Variants in NBAS observed in about 807,000 individuals in gnomAD.
NBAS encodes the protein NAG/BC035112 fusion.
NBAS carries 219 observed loss-of-function variants against 302.5 expected under a neutral mutation model. The observed-to-expected ratio is 0.72, with a 90% CI of 0.65 to 0.81. The LOEUF (loss-of-function observed/expected upper bound fraction) is 0.81, where lower values mean the gene tolerates loss of function less well. NBAS is among the 30% of genes least tolerant of loss of function. NBAS has a pLI of 0.00. For missense variants in NBAS, 2,932 were observed against 2,841.6 expected (o/e 1.03, Z -0.72); for synonymous variants, 1,118 against 1,021.6 (o/e 1.09, Z -1.80).
chr2:15,544,326 T>A (rs1572996576), intron 6 of NBAS, among the ~76,000 whole-genome samples: 1 of 150,656 alleles, frequency 6.6e-6, no homozygotes, highest in East Asian at 2.0e-4. Flanking sequence ...TAAGAAACTC[T>A]GACTTTATAA....
At chr2:14,801,281 C>T in the NBAS span, among the ~76,000 whole-genome samples, 3 of 152,018 alleles carry the variant, frequency 2.0e-5, 1 homozygote, top group Admixed American at 2.0e-4. Flanking sequence ...CACTCCCTTC[C>T]TGTTATTCCA....
the NBAS span, among the ~76,000 whole-genome samples, chr2:15,008,946 T>A: frequency 2.0e-5 from 3 of 152,114 alleles, no homozygotes; most frequent in African/African-American, 4.8e-5. Flanking sequence ...TTAAATTTAA[T>A]AAGTGAAAAA....
chr2:15,068,265 G>A, the NBAS span, among the ~76,000 whole-genome samples: 132 of 152,286 alleles, frequency 8.7e-4, 1 homozygote, highest in Non-Finnish European at 1.2e-3. Context: ...TGTTGTGAGC[G>A]TTAATGAGTT....
At chr2:14,820,006 G>A in the NBAS span, among the ~76,000 whole-genome samples, 1 of 152,044 alleles carries the variant, frequency 6.6e-6, no homozygotes, top group Admixed American at 6.5e-5. Context: ...CCAAAAGACA[G>A]GTAATACCAA....
intron 44 of NBAS, among the ~76,000 whole-genome samples, chr2:15,267,482 T>C (rs892119306): frequency 6.6e-6 from 1 of 152,206 alleles, no homozygotes; most frequent in African/African-American, 2.4e-5. Flanking sequence ...AGTATGATTA[T>C]AGATTAGCAA....
chr2:15,040,616 G>A, the NBAS span, among the ~76,000 whole-genome samples: 1 of 152,192 alleles, frequency 6.6e-6, no homozygotes, highest in Non-Finnish European at 1.5e-5. Context: ...CAGTTGGCCT[G>A]CACCAAGCTC....
At chr2:15,016,708 A>G in the NBAS span, among the ~76,000 whole-genome samples, 2 of 152,178 alleles carry the variant, frequency 1.3e-5, no homozygotes, top group South Asian at 4.1e-4. Context: ...GCATCATACT[A>G]CCAGACTTCA....
At chr2:15,022,497 T>C in the NBAS span, among the ~76,000 whole-genome samples, 2 of 152,202 alleles carry the variant, frequency 1.3e-5, no homozygotes, top group Non-Finnish European at 2.9e-5. Flanking sequence ...AGATTTACAA[T>C]AGGGATCTGA....
rs533112105 is a variant in NBAS, at chr2:15,445,162, C to A, written c.2339+16039G>T. On this transcript the variant is annotated intron_variant, in intron 21 of 51. Coordinates refer to ENST00000281513, the MANE Select transcript of NBAS (RefSeq NM_015909.4). ...CAGCCATCCCATTACTGGGTATATACCCAAAGGACTAGAAATCATGCTGCT... is the reference window on the plus strand; with the variant it reads ...CAGCCATCCCATTACTGGGTATATAACCAAAGGACTAGAAATCATGCTGCT... Among the ~76,000 whole-genome samples the A allele has an allele frequency of 3.9e-3, 598 of 151,518 alleles. 1 individual carries two copies. Among genetic ancestry groups the A allele is most frequent in the Non-Finnish European group, 6.9e-3 (466 of 67,982 alleles).
chr2:14,859,873 CA>C, the NBAS span, among the ~76,000 whole-genome samples: 1 of 152,000 alleles, frequency 6.6e-6, no homozygotes, highest in Non-Finnish European at 1.5e-5. Flanking sequence ...GCAAAATAAA[CA>C]ATCAACAAAC....
downstream of NBAS, among the ~76,000 whole-genome samples, chr2:15,165,303 C>T (rs73194918): frequency 0.064 from 9,736 of 152,184 alleles, 688 homozygotes; most frequent in African/African-American, 0.17. Flanking sequence ...CTTTTTTGGC[C>T]GCGTGGGTCT....
chr2:15,360,751 A>C (rs1197568018), intron 32 of NBAS, among the ~76,000 whole-genome samples: 4 of 151,474 alleles, frequency 2.6e-5, no homozygotes, highest in South Asian at 2.1e-4. Context: ...CAGGACATCA[A>C]TATCACTTTC....
the NBAS span, among the ~76,000 whole-genome samples, chr2:14,838,881 T>C: frequency 1.3e-5 from 2 of 151,932 alleles, no homozygotes; most frequent in Non-Finnish European, 2.9e-5. Flanking sequence ...TAGGAAGGTA[T>C]CTTAAATAAC....
intron 42 of NBAS, among the ~76,000 whole-genome samples, chr2:15,283,165 T>C (rs183527491): frequency 1.3e-5 from 2 of 152,264 alleles, no homozygotes; most frequent in East Asian, 1.9e-4. Flanking sequence ...AATAATAATA[T>C]TTGATGAATA....
the NBAS span, among the ~76,000 whole-genome samples, chr2:14,954,141 A>G: frequency 6.6e-6 from 1 of 152,218 alleles, no homozygotes; most frequent in East Asian, 1.9e-4. Context: ...AAATTATCTC[A>G]TAAATCTGTA....
chr2:15,423,749 C>T (rs1677319996), intron 23 of NBAS, among the ~76,000 whole-genome samples: 2 of 152,186 alleles, frequency 1.3e-5, no homozygotes, highest in African/African-American at 4.8e-5. Flanking sequence ...GTCCGAGTCA[C>T]AAAGTCTATT....
chr2:15,551,354 AG>A, intron 6 of NBAS, 138 bp downstream of exon 6: 1 of 552,264 alleles, frequency 1.8e-6, no homozygotes, highest in Non-Finnish European at 3.1e-6. Context: ...AAAAAAAAAA[AG>A]CAGTTTTTAA....
At chr2:15,441,857 C>T (rs1486880491) in intron 21 of NBAS, among the ~76,000 whole-genome samples, 3 of 151,602 alleles carry the variant, frequency 2.0e-5, no homozygotes, top group African/African-American at 4.9e-5. Context: ...GGTTGCAATG[C>T]TAGTCTCTGA....
intron 32 of NBAS, among the ~76,000 whole-genome samples, chr2:15,358,896 G>A (rs546443142): frequency 7.2e-5 from 11 of 152,262 alleles, no homozygotes; most frequent in Admixed American, 6.5e-4. Context: ...GGGCTCAAGG[G>A]ATCACAGTTC....
Sources: gnomAD v4.1 joint callset for allele counts (sites outside exome capture counted in the v4.1 genomes callset) on GRCh38, gnomAD v4.1.1 for gene constraint, MANE v1.5 for transcripts, NCBI Gene and HGNC (gene_info 2026-07-23, HGNC 2026-07-21) for gene names.